The following CACNB2 variants were observed in gnomAD, a reference collection of about 807,000 sequenced individuals.
CACNB2 encodes calcium voltage-gated channel auxiliary subunit beta 2, also known as voltage-dependent L-type calcium channel subunit beta-2.
A neutral mutation model predicts 73.3 loss-of-function variants in CACNB2; 42 were observed. That is an observed-to-expected ratio of 0.57 (90% CI 0.45 to 0.74). CACNB2 has a LOEUF of 0.74. Ranked by LOEUF, CACNB2 falls within the 30% of genes least tolerant of loss-of-function variation. The probability of loss-of-function intolerance (pLI) is 0.00; values close to 1 mark genes in which losing one functional copy is unlikely to be tolerated. For missense variants in CACNB2, 940 were observed against 853.0 expected, an observed-to-expected ratio of 1.10 and a Z score of -1.27; for synonymous variants, 348 against 310.3, an observed-to-expected ratio of 1.12 and a Z score of -1.28.
chr10:18,426,791 G>A (rs2045621063), intron 3 of CACNB2, among the ~76,000 whole-genome samples: 1 of 152,044 alleles, frequency 6.6e-6, no homozygotes, highest in Non-Finnish European at 1.5e-5. Context: ...GCAACATTAG[G>A]TTATTCTTGT....
chr10:18,332,522 G>A (rs558966550), intron 2 of CACNB2, among the ~76,000 whole-genome samples: 1 of 152,138 alleles, frequency 6.6e-6, no homozygotes, highest in Admixed American at 6.6e-5. Context: ...ATCCAACCTC[G>A]CAGAAACAAA....
chr10:18,170,097 C>T (rs1284746759), intron 2 of CACNB2, among the ~76,000 whole-genome samples: 1 of 152,192 alleles, frequency 6.6e-6, no homozygotes, highest in East Asian at 1.9e-4. Flanking sequence ...TGTCCATGAA[C>T]TAATCACTGA....
chr10:18,305,101 A>C (rs944219496), intron 2 of CACNB2, among the ~76,000 whole-genome samples: 4 of 152,192 alleles, frequency 2.6e-5, no homozygotes, highest in Non-Finnish European at 4.4e-5. Flanking sequence ...CCTTTATCTC[A>C]TTCCCTTTCT....
intron 2 of CACNB2, among the ~76,000 whole-genome samples, chr10:18,157,404 G>A (rs757593387): frequency 2.2e-4 from 33 of 152,212 alleles, no homozygotes; most frequent in Admixed American, 1.6e-3. Context: ...CTCAAAATTA[G>A]GTGTAAGGAT....
chr10:18,341,075 A>C, intron 2 of CACNB2: 1 of 1,268,768 alleles, frequency 7.9e-7, no homozygotes, highest in Non-Finnish European at 1.2e-6. Context: ...AAATCATACT[A>C]GTTACTTAAC....
intron 2 of CACNB2, among the ~76,000 whole-genome samples, chr10:18,319,099 A>G (rs1186435287): frequency 1.3e-5 from 2 of 152,218 alleles, no homozygotes; most frequent in Non-Finnish European, 2.9e-5. Context: ...ATTACTGGGT[A>G]TGTACCCAAA....
intron 7 of CACNB2, among the ~76,000 whole-genome samples, chr10:18,517,845 A>G (rs1387908370): frequency 6.6e-6 from 1 of 152,218 alleles, no homozygotes; most frequent in Non-Finnish European, 1.5e-5. Context: ...GAGAGTTATA[A>G]TATTTTGAAA....
intron 3 of CACNB2, 44 bp from the exon 4 acceptor site, chr10:18,498,311 T>C (rs2049959981): frequency 6.2e-7 from 1 of 1,612,058 alleles, no homozygotes; most frequent in African/African-American, 1.3e-5. Flanking sequence ...AGGGACAGTG[T>C]TGTTTTGCTC....
At chr10:18,398,545 CT>C (rs948532910) in intron 2 of CACNB2, among the ~76,000 whole-genome samples, 5 of 152,026 alleles carry the variant, frequency 3.3e-5, no homozygotes, top group African/African-American at 1.2e-4. Context: ...GGAGCACATG[CT>C]TGTATTCCCA....
rs111584394 is a variant in CACNB2, at chr10:18,158,683, GA to G, written c.213+7717del. Among the ~76,000 whole-genome samples, 445 of 150,692 alleles carry G rather than the reference GA, an allele frequency of 3.0e-3. 3 individuals are homozygous for G. The highest frequency in any genetic ancestry group is 9.1e-3 in the African/African-American group (376 of 41,154). On this transcript the variant is annotated intron_variant, in intron 2 of 13. Transcript: ENST00000324631. Reference sequence around the variant, plus strand: ...TTCTCCTAACTTCATCAAAAGAAAGGAAAAAAAAATCTCTAAGTTTAGTTGT... The same window carrying G: ...TTCTCCTAACTTCATCAAAAGAAAGGAAAAAAAATCTCTAAGTTTAGTTGT...
At chr10:18,229,287 T>C (rs1225015183) in intron 2 of CACNB2, among the ~76,000 whole-genome samples, 1 of 152,220 alleles carries the variant, frequency 6.6e-6, no homozygotes, top group Non-Finnish European at 1.5e-5. Context: ...TTATTTATTC[T>C]TATAAAACAA....
At chr10:18,272,160 A>T (rs2038081287) in intron 2 of CACNB2, among the ~76,000 whole-genome samples, 1 of 151,990 alleles carries the variant, frequency 6.6e-6, no homozygotes, top group African/African-American at 2.4e-5. Context: ...AGCAGATATG[A>T]TATTATGAAA....
At chr10:18,275,120 C>G (rs1266722281) in intron 2 of CACNB2, among the ~76,000 whole-genome samples, 1 of 152,166 alleles carries the variant, frequency 6.6e-6, no homozygotes, top group Non-Finnish European at 1.5e-5. Context: ...TTTATGCAGT[C>G]AGTCAGTCAA....
intron 2 of CACNB2, among the ~76,000 whole-genome samples, chr10:18,266,751 G>A (rs545365433): frequency 3.3e-5 from 5 of 152,206 alleles, no homozygotes; most frequent in Admixed American, 1.3e-4. Flanking sequence ...TTAGCCGTGC[G>A]TGGTGGTGCA....
At position 18,540,172 on chromosome 10, in the gene CACNB2, C is replaced by G. The variant is rs928127151; in HGVS notation, c.*448C>G. On this transcript the variant is annotated 3_prime_UTR_variant, in exon 14 of 14. Coordinates refer to ENST00000324631, the MANE Select transcript of CACNB2 (RefSeq NM_201596.3). ...TTCATTCATGGACCACTGTTTCTTG[C>G]TTGTACCTCTGGCTGACTAAATTTG... 1 of 188,092 alleles carries G rather than the reference C, an allele frequency of 5.3e-6. No individual in the cohort carries two copies. The highest frequency in any genetic ancestry group is 2.4e-5 in the African/African-American group (1 of 41,498). 11.7% of individuals were successfully genotyped at this position (188,092 alleles called of 1,614,324 possible).
At chr10:18,280,900 T>G (rs1459312939) in intron 2 of CACNB2, among the ~76,000 whole-genome samples, 1 of 152,208 alleles carries the variant, frequency 6.6e-6, no homozygotes, top group Non-Finnish European at 1.5e-5. Flanking sequence ...TGTGCTTTAC[T>G]ATACTACATG....
chr10:18,399,673 G>A (rs778971914), intron 2 of CACNB2, among the ~76,000 whole-genome samples: 2 of 151,972 alleles, frequency 1.3e-5, no homozygotes, highest in South Asian at 4.1e-4. Context: ...GTGAGCCACT[G>A]CAGCCAGCTG....
At chr10:18,521,248 G>A (rs969208400) in intron 9 of CACNB2, among the ~76,000 whole-genome samples, 3 of 152,208 alleles carry the variant, frequency 2.0e-5, no homozygotes, top group Non-Finnish European at 2.9e-5. Context: ...AAAGGGAGGC[G>A]TAATTAACAC....
intron 2 of CACNB2, among the ~76,000 whole-genome samples, chr10:18,327,412 TTTTG>T (rs990951162): frequency 2.6e-5 from 4 of 151,980 alleles, no homozygotes; most frequent in Admixed American, 6.6e-5. Context: ...GCCCGGTCAT[TTTTG>T]TTTGTTTGTT....
Sources: gnomAD v4.1 joint callset for allele counts (sites outside exome capture counted in the v4.1 genomes callset) on GRCh38, gnomAD v4.1.1 for gene constraint, MANE v1.5 for transcripts, NCBI Gene and HGNC (gene_info 2026-07-23, HGNC 2026-07-21) for gene names.